SLC4A5: variants seen among roughly 807,000 people sequenced by gnomAD.
SLC4A5 encodes the protein solute carrier family 4 member 5.
Under a neutral mutation model 120.4 loss-of-function variants are expected in SLC4A5, and 96 were observed. The ratio of observed to expected loss-of-function variants is 0.80; its 90% CI spans 0.68 to 0.94. The LOEUF is 0.94. Among genes scored for constraint, SLC4A5 ranks in the 40% least tolerant of loss-of-function variants. The pLI is 0.00. For synonymous variants in SLC4A5, 550 were observed against 571.1 expected (o/e 0.96, Z 0.53); for missense variants, 1,259 against 1,459.5 (o/e 0.86, Z 2.24).
At chr2:74,319,404 C>T (rs948664359) in intron 5 of SLC4A5, 19 of 152,184 alleles carry the variant, frequency 1.2e-4, no homozygotes, top group African/African-American at 3.9e-4. Flanking sequence ...AGCTGGTGCT[C>T]GCTTTAGTAG....
intron 7 of SLC4A5, among the ~76,000 whole-genome samples, chr2:74,293,168 T>G (rs1285430823): frequency 1.3e-5 from 2 of 152,130 alleles, no homozygotes; most frequent in Non-Finnish European, 2.9e-5. Flanking sequence ...TCTTGCCAAC[T>G]GTGTGAAGTA....
intron 22 of SLC4A5, among the ~76,000 whole-genome samples, chr2:74,234,068 C>CA (rs1264863337): frequency 1.3e-5 from 2 of 149,908 alleles, no homozygotes; most frequent in Non-Finnish European, 3.0e-5. Flanking sequence ...AAAAAACAAA[C>CA]AAACAAACAA....
At chr2:74,233,498 T>G in exon 23 of SLC4A5, 10 of 1,614,152 alleles carry the variant, frequency 6.2e-6, no homozygotes, top group Non-Finnish European at 8.5e-6. Context: ...GGATGCTTGC[T>G]GGGTATACCC....
chr2:74,307,388 C>G (rs574314622), intron 6 of SLC4A5: 23 of 627,202 alleles, frequency 3.7e-5, no homozygotes, highest in African/African-American at 3.4e-4. Context: ...TCATGAAGAG[C>G]AGCTCCTCGA....
chr2:74,221,546 A>C (rs767600523), intron 29 of SLC4A5, 45 bp from the exon 30 acceptor site: 9 of 1,587,520 alleles, frequency 5.7e-6, no homozygotes, highest in Non-Finnish European at 7.8e-6. Context: ...AGGTTTGAGC[A>C]CCATATTTCT....
intron 7 of SLC4A5, among the ~76,000 whole-genome samples, chr2:74,295,012 G>T (rs1212806004): frequency 6.6e-6 from 1 of 152,168 alleles, no homozygotes; most frequent in East Asian, 1.9e-4. Context: ...TAGACTGATA[G>T]ATGGTCTTTG....
At chr2:74,296,828 C>G (rs1234976435) in intron 7 of SLC4A5, among the ~76,000 whole-genome samples, 2 of 151,622 alleles carry the variant, frequency 1.3e-5, no homozygotes, top group Non-Finnish European at 2.9e-5. Flanking sequence ...GTCTTTGCTC[C>G]CATGTTTGAA....
chr2:74,280,555 C>T (rs1393210558), intron 8 of SLC4A5, among the ~76,000 whole-genome samples: 1 of 152,198 alleles, frequency 6.6e-6, no homozygotes, highest in Non-Finnish European at 1.5e-5. Context: ...TCCTACTCTC[C>T]TTCAAACTGA....
chr2:74,230,489 G>A (rs896778491), intron 25 of SLC4A5, among the ~76,000 whole-genome samples: 1 of 152,106 alleles, frequency 6.6e-6, no homozygotes, highest in African/African-American at 2.4e-5. Flanking sequence ...TGATCCTCCC[G>A]CCTCAGCCTC....
intron 7 of SLC4A5, among the ~76,000 whole-genome samples, chr2:74,296,616 CAAAAA>C (rs1160532512): frequency 1.1e-4 from 5 of 47,486 alleles, no homozygotes; most frequent in African/African-American, 3.7e-4. Context: ...ACTAAAAATA[CAAAAA>C]AAAAAAAAAA....
At chr2:74,329,274 G>A (rs1188229093) in intron 4 of SLC4A5, among the ~76,000 whole-genome samples, 2 of 138,514 alleles carry the variant, frequency 1.4e-5, no homozygotes, top group African/African-American at 5.4e-5. Context: ...AGGTGTAGAT[G>A]GAGGTAATGA....
intron 14 of SLC4A5, 68 bp from the exon 15 acceptor site, chr2:74,253,196 CA>C: frequency 1.3e-6 from 2 of 1,570,904 alleles, no homozygotes; most frequent in Non-Finnish European, 1.7e-6. Flanking sequence ...GAGCATATCA[CA>C]TCTAGTTTTT....
intron 8 of SLC4A5, among the ~76,000 whole-genome samples, chr2:74,281,834 C>T (rs1323635333): frequency 1.3e-5 from 2 of 152,214 alleles, no homozygotes; most frequent in Non-Finnish European, 2.9e-5. Context: ...AAATTAAATA[C>T]TTTTATTAAA....
chr2:74,259,143 A>G (rs1297692259), intron 12 of SLC4A5, among the ~76,000 whole-genome samples: 1 of 152,196 alleles, frequency 6.6e-6, no homozygotes, highest in South Asian at 2.1e-4. Flanking sequence ...GGGAGACCAC[A>G]GGAAGAAGAT....
rs1670945944 is a variant in SLC4A5, at chr2:74,255,812, T to C, written c.988A>G (p.Met330Val). Reference sequence around the variant, plus strand: ...GGCACCTCGGTCACTCCTCCCAGCATGGCCGACTGGATGAGGCGCACGAAC... The same window carrying C: ...GGCACCTCGGTCACTCCTCCCAGCACGGCCGACTGGATGAGGCGCACGAAC... The change falls in exon 13 of 31, where the codon ATG becomes GTG. Residue 330 changes from methionine to valine, a missense_variant. Transcript: ENST00000394019. This position sits in a 1 kb window ranked among gnomAD's most constrained non-coding sequence, Gnocchi z 4.0. 1.2e-6 allele frequency: 2 copies of C among 1,614,178 alleles called. No homozygotes were observed. Among genetic ancestry groups the C allele is most frequent in the Non-Finnish European group, 1.7e-6 (2 of 1,180,032 alleles).
At chr2:74,231,168 TC>T (rs2103908339) in intron 25 of SLC4A5, 67 bp downstream of exon 25, 1 of 1,477,054 alleles carries the variant, frequency 6.8e-7, no homozygotes, top group South Asian at 1.3e-5. Context: ...GGGGACCCCC[TC>T]CCTGCCTAAG....
chr2:74,291,529 C>T (rs549109861), intron 7 of SLC4A5, among the ~76,000 whole-genome samples: 1 of 152,350 alleles, frequency 6.6e-6, no homozygotes, highest in African/African-American at 2.4e-5. Flanking sequence ...TTAGCAGAGC[C>T]TGGGGGAGAA....
chr2:74,250,735 A>C, intron 16 of SLC4A5: 1 of 540,676 alleles, frequency 1.8e-6, no homozygotes, highest in Non-Finnish European at 3.3e-6. Flanking sequence ...GTGGACATAG[A>C]GGGTTTTGGA....
intron 8 of SLC4A5, among the ~76,000 whole-genome samples, chr2:74,274,407 T>C (rs1671575281): frequency 6.8e-6 from 1 of 147,280 alleles, no homozygotes; most frequent in Non-Finnish European, 1.5e-5. Flanking sequence ...GTATGTGAGA[T>C]AGTACAACAA....
Sources: gnomAD v4.1 joint callset for allele counts (sites outside exome capture counted in the v4.1 genomes callset) on GRCh38, gnomAD v4.1.1 for gene constraint, Gnocchi (gnomAD v3.1) non-coding constraint, MANE v1.5 for transcripts, NCBI Gene and HGNC (gene_info 2026-07-23, HGNC 2026-07-21) for gene names.